Variants in SHISA9 observed in about 807,000 individuals in gnomAD.
SHISA9 encodes shisa family member 9.
Under a neutral mutation model 38.0 loss-of-function variants are expected in SHISA9, and 13 were observed. The ratio of observed to expected loss-of-function variants is 0.34; its 90% CI spans 0.22 to 0.54. The LOEUF (loss-of-function observed/expected upper bound fraction) is 0.54. Among genes scored for constraint, SHISA9 ranks in the 20% least tolerant of loss-of-function variants. The pLI is 0.91. For synonymous variants in SHISA9, 275 were observed against 242.0 expected, an observed-to-expected ratio of 1.14 and a Z score of -1.27; for missense variants, 538 against 575.8, an observed-to-expected ratio of 0.93 and a Z score of 0.67.
chr16:13,470,805 G>T, the SHISA9 span, among the ~76,000 whole-genome samples: 1 of 152,020 alleles, frequency 6.6e-6, no homozygotes, highest in Admixed American at 6.6e-5. Context: ...ACTACACATT[G>T]AACTGTGTTA....
At chr16:13,033,195 G>A (rs986940312) in intron 2 of SHISA9, among the ~76,000 whole-genome samples, 20 of 152,134 alleles carry the variant, frequency 1.3e-4, no homozygotes, top group African/African-American at 4.6e-4. Flanking sequence ...TCATCATGCA[G>A]TGCCCATATT....
chr16:13,203,190 A>C lies in SHISA9; in HGVS notation c.692-204A>C, dbSNP rs186786528. 5.8e-5 allele frequency: 24 copies of C among 411,198 alleles called. No individual in the cohort carries two copies. In the East Asian group the frequency reaches 8.6e-4, roughly 15 times the overall value. 25.5% of individuals were successfully genotyped at this position (411,198 alleles called of 1,614,324 possible). A position where few individuals can be genotyped will look rare whatever the true frequency, so the allele number is the denominator to read the frequency against. ...GCACATCTTTTGAGATGATGTCAGA[A>C]AAACACCCACCTGTCCTCATTTGCT... On this transcript the variant is annotated intron_variant, in intron 2 of 4. Transcript: ENST00000558583.
At chr16:13,106,909 T>A (rs541298762) in intron 2 of SHISA9, among the ~76,000 whole-genome samples, 1 of 152,138 alleles carries the variant, frequency 6.6e-6, no homozygotes, top group Non-Finnish European at 1.5e-5. Flanking sequence ...CTGATCATAT[T>A]GTTCATTTCA....
chr16:13,256,144 C>T, the SHISA9 span, among the ~76,000 whole-genome samples: 1 of 152,210 alleles, frequency 6.6e-6, no homozygotes, highest in East Asian at 1.9e-4. Context: ...AACTTTTCTC[C>T]TACATCTGCT....
rs1458789210 is a variant in SHISA9 at position 12,970,394 on chromosome 16, T to TATATACAC, written c.691+53584_691+53585insCACATATA. On this transcript the variant is annotated intron_variant, in intron 2 of 4. Transcript: ENST00000558583. ...ACATATATATATACATATATGTATA[T>TATATACAC]ATATATATACATATATATATATACA... is the stretch of plus-strand genomic sequence containing the variant. Among the ~76,000 whole-genome samples the TATATACAC allele has an allele frequency of 4.0e-3, 74 of 18,286 alleles. 1 individual carries two copies. Among genetic ancestry groups the TATATACAC allele is most frequent in the Non-Finnish European group, 5.3e-3 (60 of 11,284 alleles). The allele number at this position is 18,286 out of a possible 152,430, so 12.0% of individuals were successfully genotyped here. A position where few individuals can be genotyped will look rare whatever the true frequency, so the allele number is the denominator to read the frequency against.
At chr16:13,021,503 T>C (rs2173865) in intron 2 of SHISA9, among the ~76,000 whole-genome samples, 69,022 of 151,940 alleles carry the variant, frequency 0.45, 15,926 homozygotes, top group Middle Eastern at 0.51. Context: ...ACTTCAGGCT[T>C]AGTTATCACA....
the SHISA9 span, among the ~76,000 whole-genome samples, chr16:13,267,146 T>C: frequency 6.6e-6 from 1 of 152,162 alleles, no homozygotes; most frequent in South Asian, 2.1e-4. Flanking sequence ...AGTGGGACCA[T>C]ATTCTAAGAT....
the SHISA9 span, among the ~76,000 whole-genome samples, chr16:13,336,101 G>A: frequency 6.3e-4 from 96 of 152,232 alleles, no homozygotes; most frequent in Non-Finnish European, 1.1e-3. Flanking sequence ...GAAGTCCCGT[G>A]GTTTCCCGTC....
At chr16:13,466,653 A>G in the SHISA9 span, among the ~76,000 whole-genome samples, 2 of 152,236 alleles carry the variant, frequency 1.3e-5, no homozygotes, top group Admixed American at 1.3e-4. Flanking sequence ...TGTAACTGTA[A>G]TGAGTATTTC....
intron 2 of SHISA9, among the ~76,000 whole-genome samples, chr16:13,053,050 G>A (rs1013257656): frequency 2.2e-5 from 3 of 139,342 alleles, no homozygotes; most frequent in African/African-American, 8.2e-5. Flanking sequence ...TGCAACCTCC[G>A]CCTGCCAGGT....
the SHISA9 span, among the ~76,000 whole-genome samples, chr16:13,497,685 CAAA>C: frequency 2.8e-5 from 3 of 106,358 alleles, no homozygotes; most frequent in Admixed American, 1.1e-4. Context: ...ACTCCGTCTC[CAAA>C]AAAAAAAAAA....
the SHISA9 span, among the ~76,000 whole-genome samples, chr16:13,488,918 C>T: frequency 6.6e-5 from 10 of 152,140 alleles, no homozygotes; most frequent in Non-Finnish European, 1.3e-4. Context: ...CCTGCCACCG[C>T]GCCTGCCACC....
chr16:13,321,347 T>C, the SHISA9 span, among the ~76,000 whole-genome samples: 2 of 152,224 alleles, frequency 1.3e-5, no homozygotes, highest in African/African-American at 2.4e-5. Context: ...AATAAATGAA[T>C]GAATGAACGA....
chr16:13,170,014 C>G (rs1395125649), intron 2 of SHISA9, among the ~76,000 whole-genome samples: 1 of 152,006 alleles, frequency 6.6e-6, no homozygotes, highest in Non-Finnish European at 1.5e-5. Context: ...ACCAGCATGG[C>G]CAACATGGCG....
chr16:13,079,404 A>G (rs371812673), intron 2 of SHISA9, among the ~76,000 whole-genome samples: 30 of 152,310 alleles, frequency 2.0e-4, no homozygotes, highest in African/African-American at 6.5e-4. Flanking sequence ...ACTATATATG[A>G]TTGTTTTTGT....
the SHISA9 span, among the ~76,000 whole-genome samples, chr16:13,389,534 C>G: frequency 9.9e-5 from 15 of 152,092 alleles, no homozygotes; most frequent in African/African-American, 3.6e-4. Context: ...ATTTCATTGT[C>G]TGGATGTACC....
the SHISA9 span, among the ~76,000 whole-genome samples, chr16:13,323,065 C>G: frequency 2.0e-5 from 3 of 152,114 alleles, no homozygotes; most frequent in African/African-American, 7.2e-5. Flanking sequence ...AGGTTCAACC[C>G]CCAGCTCAAT....
the SHISA9 span, among the ~76,000 whole-genome samples, chr16:13,449,172 T>TA: frequency 4.6e-5 from 7 of 152,126 alleles, no homozygotes; most frequent in Non-Finnish European, 8.8e-5. Context: ...ATGATTCCCT[T>TA]AAAAAATAGA....
At chr16:13,475,730 C>T in the SHISA9 span, among the ~76,000 whole-genome samples, 6 of 152,134 alleles carry the variant, frequency 3.9e-5, no homozygotes, top group East Asian at 1.2e-3. Context: ...ATACAACTCA[C>T]CACAATGTAG....
Sources: allele counts gnomAD v4.1 joint callset (sites outside exome capture counted in the v4.1 genomes callset), GRCh38; gene constraint gnomAD v4.1.1; transcripts MANE v1.5; gene names NCBI Gene and HGNC (gene_info 2026-07-23, HGNC 2026-07-21).